INPP5K: variants seen among roughly 807,000 people sequenced by gnomAD.
INPP5K encodes inositol polyphosphate-5-phosphatase K, also known as inositol polyphosphate 5-phosphatase K.
In INPP5K, 35 loss-of-function variants were observed where a neutral mutation model predicts 53.5. The observed-to-expected ratio is 0.65, with a 90% CI of 0.50 to 0.87. INPP5K has a LOEUF of 0.87. Ranked by LOEUF, INPP5K falls within the 40% of genes least tolerant of loss-of-function variation. The probability of loss-of-function intolerance (pLI) is 0.00; values close to 1 mark genes in which losing one functional copy is unlikely to be tolerated. For synonymous variants in INPP5K, 253 were observed against 232.8 expected (o/e 1.09, Z -0.79); for missense variants, 550 against 586.2 (o/e 0.94, Z 0.64).
At chr17:1,510,715 A>T (rs2075287372) in intron 3 of INPP5K, among the ~76,000 whole-genome samples, 1 of 152,068 alleles carries the variant, frequency 6.6e-6, no homozygotes, top group South Asian at 2.1e-4. Context: ...CAGCCTTGAC[A>T]TCCTGGGCTC....
chr17:1,503,491 C>T (rs2075081276), intron 7 of INPP5K, among the ~76,000 whole-genome samples: 1 of 152,046 alleles, frequency 6.6e-6, no homozygotes, highest in Non-Finnish European at 1.5e-5. Context: ...CCACACCAGG[C>T]CTTTTAAAAA....
Position 1,495,733 on chromosome 17 carries a change from G to T in INPP5K, c.*90C>A. 1.1e-6 allele frequency: 1 copy of T among 889,566 alleles called. No individual in the cohort carries two copies. Among genetic ancestry groups the T allele is most frequent in the Non-Finnish European group, 1.8e-6 (1 of 554,212 alleles). 55.1% of individuals were successfully genotyped at this position (889,566 alleles called of 1,614,324 possible). A position where few individuals can be genotyped will look rare whatever the true frequency, so the allele number is the denominator to read the frequency against. On this transcript the variant is annotated 3_prime_UTR_variant, in exon 12 of 12. Transcript: ENST00000421807. ...CGACACTTGGCTGTCTCTTCAGGGGGCCAGGCTGGGCCCCCAGCACTCCCG... is the reference window on the plus strand; with the variant it reads ...CGACACTTGGCTGTCTCTTCAGGGGTCCAGGCTGGGCCCCCAGCACTCCCG...
Position 1,502,212 on chromosome 17 carries a change from G to A in INPP5K, c.777-4090C>T, listed in dbSNP as rs187806810. ...AAAATACAAAAAATTAGCCAGGCGT[G>A]GTGACGGGCGCCTGTAGTCCCAGCT... On this transcript the variant is annotated intron_variant, in intron 7 of 11. Transcript: ENST00000421807. 2.8e-4 allele frequency among the ~76,000 whole-genome samples: 43 copies of A among 152,194 alleles called. 2 individuals are homozygous for A. In the East Asian group the frequency reaches 8.3e-3, roughly 29 times the overall value.
intron 1 of INPP5K, among the ~76,000 whole-genome samples, chr17:1,514,704 T>C (rs182269624): frequency 6.6e-6 from 1 of 152,152 alleles, no homozygotes; most frequent in African/African-American, 2.4e-5. Context: ...CGGCAACTTC[T>C]GATCCCTACT....
rs2074811473 is a variant in INPP5K, at chr17:1,495,695, A to G, written c.*128T>C. The stretch of plus-strand genomic sequence containing the variant: ...GAGCCTGGTTAGAGCTCACTCTGGG[A>G]GGAGTATGTGGACGACACTTGGCTG... On this transcript the variant is annotated 3_prime_UTR_variant, in exon 12 of 12. Coordinates refer to ENST00000421807, the MANE Select transcript of INPP5K (RefSeq NM_016532.4). 4 of 658,926 alleles carry G rather than the reference A, an allele frequency of 6.1e-6. No individual in the cohort carries two copies. The highest frequency in any genetic ancestry group is 5.6e-5 in the Admixed American group (2 of 35,678). The allele number at this position is 658,926 out of a possible 1,614,324, so 40.8% of individuals were successfully genotyped here.
intron 7 of INPP5K, among the ~76,000 whole-genome samples, 170 bp downstream of exon 7, chr17:1,506,810 G>A (rs1324899834): frequency 2.6e-5 from 4 of 151,968 alleles, no homozygotes; most frequent in African/African-American, 9.7e-5. Flanking sequence ...ATCTGGGACG[G>A]CTCCCCGAGT....
intron 7 of INPP5K, among the ~76,000 whole-genome samples, chr17:1,500,168 A>C (rs1259652715): frequency 2.0e-5 from 3 of 152,248 alleles, no homozygotes; most frequent in Non-Finnish European, 4.4e-5. Flanking sequence ...AAAGTCCCCA[A>C]GTAGGGCTTT....
At chr17:1,515,569 C>T (rs2075414865) in intron 1 of INPP5K, 1 of 985,608 alleles carries the variant, frequency 1.0e-6, no homozygotes, top group Non-Finnish European at 1.2e-6. Context: ...TGAGGAGTAC[C>T]TGCAGCAGCT....
At chr17:1,499,791 AC>A (rs1441480257) in intron 7 of INPP5K, among the ~76,000 whole-genome samples, 1 of 152,020 alleles carries the variant, frequency 6.6e-6, no homozygotes, top group African/African-American at 2.4e-5. Context: ...TCTGGGTTCC[AC>A]CCCCTTCATG....
At position 1,496,358 on chromosome 17, in the gene INPP5K, GA is replaced by G; in HGVS notation, c.1145del (p.Val382AlafsTer12). On this transcript the variant is annotated frameshift_variant, in exon 10 of 12. Coordinates refer to ENST00000421807, the MANE Select transcript of INPP5K (RefSeq NM_016532.4). LOFTEE classifies it high-confidence loss of function. ...DVNDYVSYAW[V>X]GDSKVSCSDN... is the part of the protein sequence containing the mutation. ...CGCTGCAGGAGACCTTGCTGTCCCCGACCCAGGCATAGGACACGTAGTCATT... is the reference window on the plus strand; with the variant it reads ...CGCTGCAGGAGACCTTGCTGTCCCCGCCCAGGCATAGGACACGTAGTCATT... 6.4e-7 allele frequency: 1 copy of G among 1,564,154 alleles called. No individual in the cohort carries two copies. Among genetic ancestry groups the G allele is most frequent in the Non-Finnish European group, 8.7e-7 (1 of 1,153,808 alleles).
intron 3 of INPP5K, 148 bp from the exon 4 acceptor site, chr17:1,509,947 AG>A: frequency 1.7e-6 from 1 of 584,064 alleles, no homozygotes; most frequent in East Asian, 3.0e-5. Flanking sequence ...TGAATCTCAG[AG>A]TTTCAAGCCT....
At chr17:1,509,560 A>C (rs1470986902) in intron 4 of INPP5K, 123 bp downstream of exon 4, 1 of 888,386 alleles carries the variant, frequency 1.1e-6, no homozygotes, top group Admixed American at 2.1e-5. Context: ...CTGAGGCAAA[A>C]GAACAAACAT....
chr17:1,501,475 G>T (rs1355823141), intron 7 of INPP5K, among the ~76,000 whole-genome samples: 3 of 152,230 alleles, frequency 2.0e-5, no homozygotes, highest in Non-Finnish European at 4.4e-5. Context: ...TTCTTCAGCT[G>T]TTAAGACGGG....
intron 7 of INPP5K, among the ~76,000 whole-genome samples, chr17:1,499,238 G>A (rs1367816470): frequency 2.0e-5 from 3 of 152,060 alleles, no homozygotes; most frequent in Non-Finnish European, 4.4e-5. Context: ...GAGAGGCCGC[G>A]CGCGGTGCTC....
chr17:1,515,848 C>CAAA, intron 1 of INPP5K: 1 of 934,714 alleles, frequency 1.1e-6, no homozygotes, highest in Non-Finnish European at 1.3e-6. Context: ...GCTTAAGGAA[C>CAAA]AAAGACCTTT....
intron 7 of INPP5K, among the ~76,000 whole-genome samples, chr17:1,502,043 A>AC (rs2150982853): frequency 6.7e-6 from 1 of 150,234 alleles, no homozygotes; most frequent in South Asian, 2.1e-4. Context: ...TCAAAAAAAA[A>AC]AAAGAAAAAA....
In INPP5K at chr17:1,498,015, AAGG is replaced by A. The variant is rs765015650; in HGVS notation, c.881_883del (p.Ser294del). ...GTGGCTGCTGTAGCCCCTCAGAGACAAGGAGAAGTGTGACGCCGGCGGTATGGG... is the reference window on the plus strand; with the variant it reads ...GTGGCTGCTGTAGCCCCTCAGAGACAAGAAGTGTGACGCCGGCGGTATGGG... On this transcript the variant is annotated inframe_deletion, in exon 8 of 12. Transcript: ENST00000421807. 6.2e-6 allele frequency: 10 copies of A among 1,613,994 alleles called. No homozygotes were observed. The highest frequency in any genetic ancestry group is 2.2e-5 in the South Asian group (2 of 91,090).
rs1361962046 is a variant in INPP5K, at chr17:1,509,801, T to TGCA, written c.262-5_262-3dup. 1 of 1,589,244 alleles carries TGCA rather than the reference T, an allele frequency of 6.3e-7. No individual in the cohort carries two copies. Among genetic ancestry groups the TGCA allele is most frequent in the Non-Finnish European group, 8.6e-7 (1 of 1,158,706 alleles). On this transcript the variant is annotated splice_polypyrimidine_tract_variant and splice_region_variant and intron_variant, in intron 3 of 11. Transcript: ENST00000421807. Reference sequence around the variant, plus strand: ...CCCCTGCATACGGACATGGGAGACCTGCAGGAGAGAGAGGGCAAAGGTCGC... The same window carrying TGCA: ...CCCCTGCATACGGACATGGGAGACCTGCAGCAGGAGAGAGAGGGCAAAGGTCGC...
chr17:1,507,737 G>A (rs1280662355), intron 6 of INPP5K: 1 of 165,656 alleles, frequency 6.0e-6, no homozygotes, highest in East Asian at 1.8e-4. Flanking sequence ...TAGAGATGAG[G>A]TTTCTCCAAG....
Sources: allele counts gnomAD v4.1 joint callset (sites outside exome capture counted in the v4.1 genomes callset), GRCh38; gene constraint gnomAD v4.1.1; transcripts MANE v1.5; gene names NCBI Gene and HGNC (gene_info 2026-07-23, HGNC 2026-07-21).